CATSPERB: variants seen among roughly 807,000 people sequenced by gnomAD.
CATSPERB encodes catsper channel auxiliary subunit beta.
A neutral mutation model predicts 128.3 loss-of-function variants in CATSPERB; 93 were observed. The ratio of observed to expected loss-of-function variants is 0.72; its 90% CI spans 0.61 to 0.86. The LOEUF (loss-of-function observed/expected upper bound fraction) is 0.86, where lower values mean the gene tolerates loss of function less well. Ranked by LOEUF, CATSPERB falls within the 40% of genes least tolerant of loss-of-function variation. The probability of loss-of-function intolerance (pLI) is 0.00; values close to 1 mark genes in which losing one functional copy is unlikely to be tolerated. For synonymous variants in CATSPERB, 381 were observed against 448.8 expected (o/e 0.85, Z 1.91); for missense variants, 1,153 against 1,329.5 (o/e 0.87, Z 2.06).
At chr14:91,679,126 T>C (rs188159912) in intron 11 of CATSPERB, among the ~76,000 whole-genome samples, 3 of 152,306 alleles carry the variant, frequency 2.0e-5, no homozygotes, top group Admixed American at 2.0e-4. Context: ...GATGCTTATT[T>C]AGATGTCTGG....
At chr14:91,713,282 TA>T (rs954432295) in intron 5 of CATSPERB, among the ~76,000 whole-genome samples, 6 of 108,230 alleles carry the variant, frequency 5.5e-5, no homozygotes, top group Non-Finnish European at 8.7e-5. Flanking sequence ...CTTAACAAAC[TA>T]GGAAAAAAAA....
chr14:91,661,694 G>A (rs796528670), intron 14 of CATSPERB, among the ~76,000 whole-genome samples: 8 of 151,872 alleles, frequency 5.3e-5, no homozygotes, highest in Admixed American at 1.3e-4. Context: ...CACCATGCCC[G>A]GCTAATTTTT....
intron 9 of CATSPERB, 132 bp downstream of exon 9, chr14:91,692,994 C>T: frequency 1.5e-6 from 1 of 676,090 alleles, no homozygotes; most frequent in East Asian, 2.6e-5. Flanking sequence ...TGTATTATGC[C>T]TTTATGTTTT....
chr14:91,683,308 G>A (rs542980016), intron 11 of CATSPERB, among the ~76,000 whole-genome samples: 24 of 152,138 alleles, frequency 1.6e-4, no homozygotes, highest in Non-Finnish European at 2.6e-4. Context: ...CCTTCTCAGC[G>A]GGAAATAGCC....
At chr14:91,658,872 T>A (rs2139820219) in intron 15 of CATSPERB, among the ~76,000 whole-genome samples, 1 of 149,912 alleles carries the variant, frequency 6.7e-6, no homozygotes, top group Admixed American at 6.7e-5. Context: ...TCTCAAAGAC[T>A]CAATAATAGA....
intron 20 of CATSPERB, among the ~76,000 whole-genome samples, chr14:91,612,067 C>G (rs1743154): frequency 9.3e-5 from 4 of 42,872 alleles, no homozygotes; most frequent in Admixed American, 7.6e-4. Context: ...TTTCTTTCTT[C>G]CTTTTTTTAA....
chr14:91,679,587 C>A (rs1269954179), intron 11 of CATSPERB, among the ~76,000 whole-genome samples: 1 of 152,146 alleles, frequency 6.6e-6, no homozygotes, highest in Non-Finnish European at 1.5e-5. Flanking sequence ...AAGGTTTTTA[C>A]AGCCACATAA....
chr14:91,704,548 C>A lies in CATSPERB; in HGVS notation c.616+4G>T. 1 of 1,607,766 alleles carries A rather than the reference C, an allele frequency of 6.2e-7. No homozygotes were observed. The highest frequency in any genetic ancestry group is 8.5e-7 in the Non-Finnish European group (1 of 1,177,524). On this transcript the variant is annotated splice_donor_region_variant and intron_variant, in intron 7 of 26. Coordinates refer to ENST00000256343, the MANE Select transcript of CATSPERB (RefSeq NM_024764.4). ...GTCAACATTTAATGAAGCTGTAGAC[C>A]TACCATCAACTATTGTATCCACAAT...
intron 17 of CATSPERB, chr14:91,636,122 G>C (rs1225594734): frequency 1.2e-5 from 3 of 248,608 alleles, no homozygotes; most frequent in Non-Finnish European, 1.5e-5. Flanking sequence ...CAGCAGTTTG[G>C]GAAGCTGAGG....
At chr14:91,707,797 G>C (rs1236313773) in intron 6 of CATSPERB, among the ~76,000 whole-genome samples, 1 of 148,526 alleles carries the variant, frequency 6.7e-6, no homozygotes, top group African/African-American at 2.5e-5. Flanking sequence ...AGTAGAGATG[G>C]AGTTTCACCA....
chr14:91,649,246 C>T (rs906447667), intron 15 of CATSPERB, among the ~76,000 whole-genome samples: 2 of 151,938 alleles, frequency 1.3e-5, no homozygotes, highest in Non-Finnish European at 2.9e-5. Flanking sequence ...TCTGCTATGT[C>T]TTTTCTCTCT....
At chr14:91,658,399 G>A (rs543766719) in intron 15 of CATSPERB, among the ~76,000 whole-genome samples, 66 of 151,938 alleles carry the variant, frequency 4.3e-4, no homozygotes, top group African/African-American at 1.6e-3. Context: ...GGGTAGTGGG[G>A]CATTATGTAG....
chr14:91,604,607 CTGTTCCAGGCCTGAT>C, intron 22 of CATSPERB: 1 of 1,611,018 alleles, frequency 6.2e-7, no homozygotes, highest in East Asian at 2.2e-5. Context: ...ATAGAAGGGA[CTGTTCCAGGCCTGAT>C]TGTTCCAGGA....
At chr14:91,649,891 T>C (rs2139813986) in intron 15 of CATSPERB, among the ~76,000 whole-genome samples, 1 of 152,286 alleles carries the variant, frequency 6.6e-6, no homozygotes, top group East Asian at 1.9e-4. Flanking sequence ...GTGTCAATAA[T>C]ATTTATAATT....
chr14:91,609,846 G>A (rs761735620), intron 21 of CATSPERB, among the ~76,000 whole-genome samples: 14 of 152,030 alleles, frequency 9.2e-5, no homozygotes, highest in Non-Finnish European at 1.9e-4. Flanking sequence ...TCAGCCTCCC[G>A]AGTAGCTGGG....
intron 14 of CATSPERB, among the ~76,000 whole-genome samples, chr14:91,668,934 G>A (rs1002978584): frequency 2.0e-5 from 3 of 152,294 alleles, no homozygotes; most frequent in East Asian, 1.9e-4. Flanking sequence ...TGAAGTCAGC[G>A]AAACCAAGAA....
intron 14 of CATSPERB, 118 bp downstream of exon 14, chr14:91,669,696 C>T: frequency 1.1e-6 from 1 of 939,508 alleles, no homozygotes; most frequent in East Asian, 2.9e-5. Flanking sequence ...ATATTGTCTT[C>T]CCTCCCACTG....
At chr14:91,597,398 C>T (rs979797701) in intron 22 of CATSPERB, among the ~76,000 whole-genome samples, 2 of 151,934 alleles carry the variant, frequency 1.3e-5, no homozygotes, top group Non-Finnish European at 1.5e-5. Context: ...AAAAACAGCC[C>T]GAAGCCAATT....
chr14:91,673,623 G>A (rs983231519), intron 12 of CATSPERB, among the ~76,000 whole-genome samples: 4 of 152,140 alleles, frequency 2.6e-5, no homozygotes, highest in African/African-American at 7.2e-5. Flanking sequence ...TGGTGCTCAC[G>A]CCTGTAACCC....
Sources: allele counts gnomAD v4.1 joint callset (sites outside exome capture counted in the v4.1 genomes callset), GRCh38; gene constraint gnomAD v4.1.1; transcripts MANE v1.5; gene names NCBI Gene and HGNC (gene_info 2026-07-23, HGNC 2026-07-21).